Variants in ASPDH observed in about 807,000 individuals in gnomAD.
ASPDH encodes aspartate dehydrogenase domain containing.
In ASPDH, 25 loss-of-function variants were observed where a neutral mutation model predicts 30.5. The ratio of observed to expected loss-of-function variants is 0.82; its 90% CI spans 0.60 to 1.14. The LOEUF (loss-of-function observed/expected upper bound fraction) is 1.14. ASPDH is among the 50% of genes most tolerant of loss of function. The pLI, the probability that ASPDH is intolerant of heterozygous loss-of-function variation, is 0.00. For synonymous variants in ASPDH, 168 were observed against 156.3 expected (o/e 1.07, Z -0.56); for missense variants, 401 against 381.5 (o/e 1.05, Z -0.43).
chr19:50,512,841 G>C, intron 3 of ASPDH, 31 bp from the exon 4 acceptor site: 1 of 1,600,576 alleles, frequency 6.2e-7, no homozygotes, highest in African/African-American at 1.3e-5. Context: ...GAGGGTTGAG[G>C]TCAGGGAAGG....
chr19:50,514,438 G>A (rs372233677), upstream of ASPDH: 3 of 1,613,538 alleles, frequency 1.9e-6, no homozygotes, highest in Non-Finnish European at 2.5e-6. Context: ...CTCCGCCCCT[G>A]TCCACAGCCT....
At position 50,512,117 on chromosome 19, in the gene ASPDH, G is replaced by T. The variant is rs1227057803; in HGVS notation, c.808+19C>A. 3 of 1,523,902 alleles carry T rather than the reference G, an allele frequency of 2.0e-6. No individual in the cohort carries two copies. Among genetic ancestry groups the T allele is most frequent in the Non-Finnish European group, 2.6e-6 (3 of 1,142,630 alleles). The allele number at this position is 1,523,902 out of a possible 1,614,324, so 94.4% of individuals were successfully genotyped here. A position where few individuals can be genotyped will look rare whatever the true frequency, so the allele number is the denominator to read the frequency against. ...AGAACACAGGAGCCCAGGGCCGGGG[G>T]AGAGGGGCCTGGCCGCACCCAGGAG... On this transcript the variant is annotated intron_variant, in intron 6 of 6. Coordinates refer to ENST00000389208, the MANE Select transcript of ASPDH (RefSeq NM_001114598.2).
At chr19:50,514,630 G>A (rs1196757999), upstream of ASPDH, 4 of 1,600,246 alleles carry the variant, frequency 2.5e-6, no homozygotes, top group Non-Finnish European at 3.4e-6. Flanking sequence ...CCCCCAACAT[G>A]AGCCCCAGCC....
intron 5 of ASPDH, 30 bp downstream of exon 5, chr19:50,512,330 C>G (rs765273493): frequency 1.2e-6 from 2 of 1,613,926 alleles, no homozygotes; most frequent in Admixed American, 1.7e-5. Flanking sequence ...AGCCTGGACT[C>G]AGCCCAACAC....
upstream of ASPDH, chr19:50,514,402 C>G (rs540634245): frequency 6.3e-6 from 10 of 1,599,240 alleles, no homozygotes; most frequent in South Asian, 7.7e-5. Context: ...AGCCCCGCTG[C>G]GCAGCACGGG....
intron 5 of ASPDH, 32 bp from the exon 6 acceptor site, chr19:50,512,322 C>T (rs889196386): frequency 1.2e-6 from 2 of 1,613,756 alleles, no homozygotes; most frequent in Non-Finnish European, 1.7e-6. Flanking sequence ...GTCTGGAGAG[C>T]CTGGACTCAG....
intron 3 of ASPDH, 38 bp from the exon 4 acceptor site, chr19:50,512,848 A>G: frequency 6.3e-7 from 1 of 1,599,374 alleles, no homozygotes; most frequent in South Asian, 1.1e-5. Flanking sequence ...GAGGTCAGGG[A>G]AGGATATCCA....
In ASPDH at chr19:50,513,355, A is replaced by G; in HGVS notation, c.114T>C (p.Phe38=). 6.5e-7 allele frequency: 1 copy of G among 1,543,238 alleles called. No individual in the cohort carries two copies. Among genetic ancestry groups the G allele is most frequent in the South Asian group, 1.2e-5 (1 of 82,692 alleles). ...QGPELGLELV[F]VWNRDPGRMA... is the part of the protein sequence containing the mutation. ...TTCGTCCTGGGTCACGATTCCAGACAAAAACAAGTTCTAGGCCAAGTTCTG... is the reference window on the plus strand; with the variant it reads ...TTCGTCCTGGGTCACGATTCCAGACGAAAACAAGTTCTAGGCCAAGTTCTG... The change falls in exon 2 of 7, where the codon TTT becomes TTC. Residue 38 remains phenylalanine (F), a synonymous_variant. Coordinates refer to ENST00000389208, the MANE Select transcript of ASPDH (RefSeq NM_001114598.2). The surrounding 1 kb of genome is among the most constrained non-coding windows in gnomAD (Gnocchi z 4.9).
At position 50,512,123 on chromosome 19, in the gene ASPDH, G is replaced by T; in HGVS notation, c.808+13C>A. 6.5e-7 allele frequency: 1 copy of T among 1,532,038 alleles called. No individual in the cohort carries two copies. The allele number at this position is 1,532,038 out of a possible 1,614,324, so 94.9% of individuals were successfully genotyped here. A position where few individuals can be genotyped will look rare whatever the true frequency, so the allele number is the denominator to read the frequency against. ...CAGGAGCCCAGGGCCGGGGGAGAGG[G>T]GCCTGGCCGCACCCAGGAGGCTCTG... On this transcript the variant is annotated intron_variant, in intron 6 of 6. Coordinates refer to ENST00000389208, the MANE Select transcript of ASPDH (RefSeq NM_001114598.2).
At position 50,513,415 on chromosome 19, in the gene ASPDH, T is replaced by TC; in HGVS notation, c.53dup (p.Gln19ThrfsTer25). ...CCAAGAGGCGGGAGACGAGGGACTG[T>TC]CCTGGGGAGAGGGAAAGGAGAGGGC... On this transcript the variant is annotated frameshift_variant and splice_region_variant, in exon 2 of 7. Transcript: ENST00000389208. LOFTEE classifies it high-confidence loss of function. This position sits in a 1 kb window ranked among gnomAD's most constrained non-coding sequence, Gnocchi z 4.9. 1 of 1,487,898 alleles carries TC rather than the reference T, an allele frequency of 6.7e-7. No individual in the cohort carries two copies. The highest frequency in any genetic ancestry group is 8.9e-7 in the Non-Finnish European group (1 of 1,118,916). The allele number at this position is 1,487,898 out of a possible 1,614,324, so 92.2% of individuals were successfully genotyped here. A position where few individuals can be genotyped will look rare whatever the true frequency, so the allele number is the denominator to read the frequency against.
chr19:50,512,642 G>A lies in ASPDH; in HGVS notation c.432+19C>T. ...TTTGCAGGCCTCCCCTGGTTCCTGG[G>A]GAGCCCAGCAGGCCTCACCCGGAGG... is the stretch of plus-strand genomic sequence containing the variant. On this transcript the variant is annotated intron_variant, in intron 4 of 6. Coordinates refer to ENST00000389208, the MANE Select transcript of ASPDH (RefSeq NM_001114598.2). 6.6e-7 allele frequency: 1 copy of A among 1,518,718 alleles called. No individual in the cohort carries two copies. Among genetic ancestry groups the A allele is most frequent in the South Asian group, 1.3e-5 (1 of 79,048 alleles). 94.1% of individuals were successfully genotyped at this position (1,518,718 alleles called of 1,614,324 possible).
In ASPDH at chr19:50,511,612, C is replaced by A; in HGVS notation, c.*118G>T. ...AGACGCCAGGCGGTGCGGGGGGAGG[C>A]AGCGGTGATCTTTACTGAGTCAGAA... is the stretch of plus-strand genomic sequence containing the variant. On this transcript the variant is annotated 3_prime_UTR_variant, in exon 7 of 7. Coordinates refer to ENST00000389208, the MANE Select transcript of ASPDH (RefSeq NM_001114598.2). The A allele has an allele frequency of 3.7e-6, 2 of 536,234 alleles. No homozygotes were observed. The highest frequency in any genetic ancestry group is 7.0e-5 in the East Asian group (2 of 28,448). The allele number at this position is 536,234 out of a possible 1,614,324, so 33.2% of individuals were successfully genotyped here. A position where few individuals can be genotyped will look rare whatever the true frequency, so the allele number is the denominator to read the frequency against.
At position 50,511,685 on chromosome 19, in the gene ASPDH, T is replaced by G; in HGVS notation, c.*45A>C. 1 of 1,234,282 alleles carries G rather than the reference T, an allele frequency of 8.1e-7. No individual in the cohort carries two copies. Among genetic ancestry groups the G allele is most frequent in the Non-Finnish European group, 1.0e-6 (1 of 963,368 alleles). The allele number at this position is 1,234,282 out of a possible 1,614,324, so 76.5% of individuals were successfully genotyped here. A position where few individuals can be genotyped will look rare whatever the true frequency, so the allele number is the denominator to read the frequency against. ...CAGGGCAGGGGTGGGATGGTGGTGG[T>G]GAGAGGCCAGGCAGATGATCTTGTC... is the stretch of plus-strand genomic sequence containing the variant. On this transcript the variant is annotated 3_prime_UTR_variant, in exon 7 of 7. Transcript: ENST00000389208.
intron 6 of ASPDH, 50 bp downstream of exon 6, chr19:50,512,086 C>T: frequency 6.9e-7 from 1 of 1,450,090 alleles, no homozygotes; most frequent in African/African-American, 1.4e-5. Context: ...GACCCCCAAG[C>T]TCTGCAGAAC....
chr19:50,514,605 T>C, upstream of ASPDH: 1 of 1,608,358 alleles, frequency 6.2e-7, no homozygotes, highest in South Asian at 1.1e-5. Flanking sequence ...CTTCGAGGCC[T>C]GGAGAGGCCA....
rs1164626791 is a variant in ASPDH, at chr19:50,513,630, T to A, written c.52+142A>T. On this transcript the variant is annotated intron_variant, in intron 1 of 6. Transcript: ENST00000389208. This position sits in a 1 kb window ranked among gnomAD's most constrained non-coding sequence, Gnocchi z 4.9. ...GACAGAGACGGAGAGGACAGAGACC[T>A]GGGGTGGGGGTGCAGTGGGCAGACC... 1 of 774,998 alleles carries A rather than the reference T, an allele frequency of 1.3e-6. No homozygotes were observed. The highest frequency in any genetic ancestry group is 2.1e-6 in the Non-Finnish European group (1 of 473,442). The allele number at this position is 774,998 out of a possible 1,614,324, so 48.0% of individuals were successfully genotyped here.
chr19:50,514,182 G>A (rs571736810), upstream of ASPDH, among the ~76,000 whole-genome samples: 4 of 152,270 alleles, frequency 2.6e-5, no homozygotes, highest in East Asian at 7.7e-4. Context: ...CATGGAAACT[G>A]CATCTTGCTT....
At chr19:50,512,042 C>A in intron 6 of ASPDH, 94 bp downstream of exon 6, 4 of 1,130,186 alleles carry the variant, frequency 3.5e-6, no homozygotes, top group Non-Finnish European at 4.9e-6. Context: ...TCAACAAATA[C>A]AGAACCAGAA....
upstream of ASPDH, chr19:50,514,495 C>T: frequency 6.2e-7 from 1 of 1,614,170 alleles, no homozygotes; most frequent in Admixed American, 1.7e-5. Context: ...TGCTACCTTT[C>T]ACTCTGTCCC....
Sources: allele counts gnomAD v4.1 joint callset (sites outside exome capture counted in the v4.1 genomes callset), GRCh38; gene constraint gnomAD v4.1.1; non-coding constraint Gnocchi (gnomAD v3.1); transcripts MANE v1.5; gene names NCBI Gene and HGNC (gene_info 2026-07-23, HGNC 2026-07-21).